Variants in KCNMB2 observed in about 807,000 individuals in gnomAD.
The protein encoded by KCNMB2 is potassium calcium-activated channel subfamily M regulatory beta subunit 2.
Under a neutral mutation model 24.5 loss-of-function variants are expected in KCNMB2, and 9 were observed. The ratio of observed to expected loss-of-function variants is 0.37; its 90% CI spans 0.22 to 0.64. The LOEUF is 0.64. Among genes scored for constraint, KCNMB2 ranks in the 30% least tolerant of loss-of-function variants. The pLI is 0.63. For synonymous variants in KCNMB2, 109 were observed against 104.4 expected (o/e 1.04, Z -0.27); for missense variants, 226 against 284.3 (o/e 0.79, Z 1.47).
intron 1 of KCNMB2, chr3:178,537,264 C>T (rs1715440529): frequency 2.0e-5 from 3 of 152,104 alleles, no homozygotes; most frequent in Non-Finnish European, 4.4e-5. Context: ...TGGGTACCTT[C>T]GTCCGTTTTG....
chr3:178,651,007 C>T (rs928959529), intron 1 of KCNMB2, among the ~76,000 whole-genome samples: 6 of 152,076 alleles, frequency 3.9e-5, no homozygotes, highest in Non-Finnish European at 5.9e-5. Flanking sequence ...ATCAAGACAA[C>T]GATGCCCTCT....
At chr3:178,778,936 C>T (rs144780431) in intron 1 of KCNMB2, among the ~76,000 whole-genome samples, 1,632 of 148,028 alleles carry the variant, frequency 0.011, 12 homozygotes, top group Non-Finnish European at 0.017. Flanking sequence ...CATACTGCAG[C>T]CTGACCTTTC....
In KCNMB2 at chr3:178,710,361, A is replaced by T. The variant is rs916921766; in HGVS notation, c.-67-96982A>T. On this transcript the variant is annotated intron_variant, in intron 1 of 4. Transcript: ENST00000452583. ...CCCATTGTAAGAAAGTACTACCTTG[A>T]ACTACCCATATTCAAACCGGGGAAA... Among the ~76,000 whole-genome samples the T allele has an allele frequency of 2.0e-5, 3 of 152,072 alleles. 1 individual carries two copies. Among genetic ancestry groups the T allele is most frequent in the African/African-American group, 7.2e-5 (3 of 41,392 alleles).
chr3:178,707,141 G>C (rs1377730207), intron 1 of KCNMB2, among the ~76,000 whole-genome samples: 1 of 152,096 alleles, frequency 6.6e-6, no homozygotes, highest in Non-Finnish European at 1.5e-5. Flanking sequence ...CTTATTTTCA[G>C]GGTCAAATTT....
intron 1 of KCNMB2, among the ~76,000 whole-genome samples, chr3:178,682,774 T>C (rs1410313129): frequency 1.3e-5 from 2 of 151,874 alleles, no homozygotes; most frequent in Non-Finnish European, 2.9e-5. Context: ...ATGTTCCACA[T>C]CACTAATCAT....
At chr3:178,712,190 G>C (rs1722474419) in intron 1 of KCNMB2, among the ~76,000 whole-genome samples, 1 of 152,160 alleles carries the variant, frequency 6.6e-6, no homozygotes, top group African/African-American at 2.4e-5. Context: ...TTTCCCAACA[G>C]AAAATAACAA....
At chr3:178,550,190 C>T (rs973015174) in intron 1 of KCNMB2, among the ~76,000 whole-genome samples, 6 of 152,000 alleles carry the variant, frequency 3.9e-5, no homozygotes, top group Non-Finnish European at 5.9e-5. Context: ...GTGGCTCACG[C>T]CTGTAATCCC....
At chr3:178,698,653 CA>C (rs1211897940) in intron 1 of KCNMB2, among the ~76,000 whole-genome samples, 2 of 152,204 alleles carry the variant, frequency 1.3e-5, no homozygotes, top group African/African-American at 4.8e-5. Context: ...GAACCCTTGC[CA>C]AAGCAGTGAT....
intron 1 of KCNMB2, among the ~76,000 whole-genome samples, chr3:178,579,529 C>A (rs1037929930): frequency 6.6e-6 from 1 of 152,052 alleles, no homozygotes; most frequent in South Asian, 2.1e-4. Flanking sequence ...CAGAGCAGAA[C>A]TGAAGGAGAT....
chr3:178,681,017 G>T (rs1721254053), intron 1 of KCNMB2, among the ~76,000 whole-genome samples: 1 of 152,208 alleles, frequency 6.6e-6, no homozygotes, highest in Admixed American at 6.5e-5. Flanking sequence ...AGAGCTCTGA[G>T]TTGCCTCACA....
At chr3:178,648,308 C>T (rs944986848) in intron 1 of KCNMB2, among the ~76,000 whole-genome samples, 5 of 152,152 alleles carry the variant, frequency 3.3e-5, no homozygotes, top group African/African-American at 1.2e-4. Context: ...GAAACTGAGG[C>T]AAGAGGATCA....
intron 1 of KCNMB2, among the ~76,000 whole-genome samples, chr3:178,776,402 G>T (rs1712581229): frequency 6.6e-6 from 1 of 151,974 alleles, no homozygotes; most frequent in South Asian, 2.1e-4. Context: ...TTGGAGTATG[G>T]CCATTACCAT....
chr3:178,548,131 C>G (rs544177672), intron 1 of KCNMB2, among the ~76,000 whole-genome samples: 1 of 152,058 alleles, frequency 6.6e-6, no homozygotes, highest in Non-Finnish European at 1.5e-5. Flanking sequence ...TCAACTCTAC[C>G]CTCATATTTT....
Position 178,539,815 on chromosome 3 carries a change from A to G in KCNMB2, c.-68+3104A>G, listed in dbSNP as rs188357719. Among the ~76,000 whole-genome samples, 38 of 151,928 alleles carry G rather than the reference A, an allele frequency of 2.5e-4. 1 individual carries two copies. Among genetic ancestry groups the G allele is most frequent in the Non-Finnish European group, 1.2e-4 (8 of 67,952 alleles). On this transcript the variant is annotated intron_variant, in intron 1 of 4. Coordinates refer to ENST00000452583, the MANE Select transcript of KCNMB2 (RefSeq NM_181361.3). ...TATTTTATAAACAGAGACTTTTTCA[A>G]TCTCCTGCTGGTTCCTTATTATTTC...
chr3:178,648,620 A>G (rs1720002517), intron 1 of KCNMB2, among the ~76,000 whole-genome samples: 1 of 152,226 alleles, frequency 6.6e-6, no homozygotes, highest in Admixed American at 6.5e-5. Flanking sequence ...TGAGTGAACC[A>G]TTCTGTTTTT....
chr3:178,740,700 T>C (rs1052630111), intron 1 of KCNMB2, among the ~76,000 whole-genome samples: 2 of 152,242 alleles, frequency 1.3e-5, no homozygotes, highest in African/African-American at 4.8e-5. Context: ...CAAGGAGATA[T>C]TCTCTGTACC....
At chr3:178,644,862 C>T (rs1719861089) in intron 1 of KCNMB2, among the ~76,000 whole-genome samples, 1 of 152,010 alleles carries the variant, frequency 6.6e-6, no homozygotes, top group Admixed American at 6.6e-5. Flanking sequence ...TTAGTTTACC[C>T]ACCTATAAAA....
intron 1 of KCNMB2, among the ~76,000 whole-genome samples, chr3:178,592,428 T>C (rs543119722): frequency 2.1e-4 from 32 of 152,290 alleles, no homozygotes; most frequent in Admixed American, 1.7e-3. Context: ...ATACTTATGG[T>C]TATCTCACAC....
chr3:178,842,988 T>C lies in KCNMB2; in HGVS notation c.*51T>C. On this transcript the variant is annotated 3_prime_UTR_variant, in exon 5 of 5. Coordinates refer to ENST00000452583, the MANE Select transcript of KCNMB2 (RefSeq NM_181361.3). ...TGTTAAAGCTCAAATACTGTTTTCTTTCATTCTTCACCAAAGAACCTTAAG... is the reference window on the plus strand; with the variant it reads ...TGTTAAAGCTCAAATACTGTTTTCTCTCATTCTTCACCAAAGAACCTTAAG... 2 of 1,465,718 alleles carry C rather than the reference T, an allele frequency of 1.4e-6. No homozygotes were observed. Among genetic ancestry groups the C allele is most frequent in the Non-Finnish European group, 1.9e-6 (2 of 1,072,732 alleles). 90.8% of individuals were successfully genotyped at this position (1,465,718 alleles called of 1,614,324 possible).
Sources: gnomAD v4.1 joint callset for allele counts (sites outside exome capture counted in the v4.1 genomes callset) on GRCh38, gnomAD v4.1.1 for gene constraint, MANE v1.5 for transcripts, NCBI Gene and HGNC (gene_info 2026-07-23, HGNC 2026-07-21) for gene names.